NDST4: variants seen among roughly 807,000 people sequenced by gnomAD.
The protein encoded by NDST4 is N-deacetylase and N-sulfotransferase 4, also known as N-heparan sulfate sulfotransferase 4.
In NDST4, 63 loss-of-function variants were observed where a neutral mutation model predicts 100.8. The observed-to-expected ratio is 0.62, with a 90% CI of 0.51 to 0.77. The LOEUF is 0.77. NDST4 is among the 30% of genes least tolerant of loss of function. The probability of loss-of-function intolerance (pLI) is 0.00; values close to 1 mark genes in which losing one functional copy is unlikely to be tolerated. For missense variants in NDST4, 943 were observed against 1,018.4 expected (o/e 0.93, Z 1.01); for synonymous variants, 377 against 361.8 (o/e 1.04, Z -0.48).
At chr4:114,875,134 G>C (rs958713720) in intron 6 of NDST4, among the ~76,000 whole-genome samples, 10 of 152,268 alleles carry the variant, frequency 6.6e-5, no homozygotes, top group African/African-American at 2.4e-4. Context: ...ATTTCAGTAG[G>C]CCAATTGCAG....
intron 4 of NDST4, among the ~76,000 whole-genome samples, chr4:114,958,073 C>T (rs1726177934): frequency 6.6e-6 from 1 of 152,216 alleles, no homozygotes; most frequent in Non-Finnish European, 1.5e-5. Flanking sequence ...CTCACAGCTC[C>T]ACTAATCAGT....
chr4:114,963,236 A>T (rs1318701392), intron 4 of NDST4, among the ~76,000 whole-genome samples: 1 of 152,158 alleles, frequency 6.6e-6, no homozygotes, highest in Non-Finnish European at 1.5e-5. Context: ...ATACAATGAG[A>T]CATTATTTGT....
chr4:115,112,440 A>T (rs1447804368), intron 1 of NDST4, among the ~76,000 whole-genome samples: 1 of 151,898 alleles, frequency 6.6e-6, no homozygotes, highest in Non-Finnish European at 1.5e-5. Flanking sequence ...AAACTGTGCA[A>T]ATGAAAAATA....
chr4:114,836,338 C>T (rs1723304579), intron 11 of NDST4, among the ~76,000 whole-genome samples: 3 of 152,170 alleles, frequency 2.0e-5, no homozygotes, highest in Admixed American at 2.0e-4. Context: ...ATTTGCTTCT[C>T]TGTAAATAAT....
At position 114,981,125 on chromosome 4, in the gene NDST4, C is replaced by T. The variant is rs112373585; in HGVS notation, c.979-3851G>A. 6.5e-3 allele frequency among the ~76,000 whole-genome samples: 985 copies of T among 151,646 alleles called. 17 individuals carry two copies. Among genetic ancestry groups the T allele is most frequent in the African/African-American group, 0.023 (946 of 41,322 alleles). Reference sequence around the variant, plus strand: ...GTCTCAACTACTTCCAGGGTGGGAGCGAGAGGATCACTTTAGCCCAGGAGT... The same window carrying T: ...GTCTCAACTACTTCCAGGGTGGGAGTGAGAGGATCACTTTAGCCCAGGAGT... On this transcript the variant is annotated intron_variant, in intron 2 of 13. Coordinates refer to ENST00000264363, the MANE Select transcript of NDST4 (RefSeq NM_022569.3).
chr4:115,038,424 A>T (rs1728278766), intron 2 of NDST4, among the ~76,000 whole-genome samples: 1 of 152,118 alleles, frequency 6.6e-6, no homozygotes. Context: ...CAGTAGGAAG[A>T]CTAAATCCCT....
intron 6 of NDST4, among the ~76,000 whole-genome samples, chr4:114,895,879 G>C (rs894130397): frequency 2.6e-5 from 4 of 151,758 alleles, no homozygotes; most frequent in Non-Finnish European, 5.9e-5. Context: ...ATGCAAGCCT[G>C]GTTCAATATA....
chr4:114,923,909 C>A (rs1441703991), intron 6 of NDST4, among the ~76,000 whole-genome samples: 1 of 151,484 alleles, frequency 6.6e-6, no homozygotes, highest in East Asian at 1.9e-4. Context: ...AATATTGCAG[C>A]TTTCATTTAT....
At chr4:115,021,656 C>T (rs144553121) in intron 2 of NDST4, among the ~76,000 whole-genome samples, 2,316 of 138,672 alleles carry the variant, frequency 0.017, 29 homozygotes, top group African/African-American at 0.049. Context: ...TCCATATATA[C>T]ACACGTTCCA....
intron 6 of NDST4, among the ~76,000 whole-genome samples, chr4:114,907,905 A>T (rs1213568643): frequency 6.6e-6 from 1 of 152,164 alleles, no homozygotes; most frequent in African/African-American, 2.4e-5. Context: ...TTGGTGTGAG[A>T]CTAACTAGAG....
intron 2 of NDST4, among the ~76,000 whole-genome samples, chr4:115,003,570 T>TA (rs1727345641): frequency 1.3e-5 from 2 of 152,238 alleles, no homozygotes; most frequent in Admixed American, 6.6e-5. Flanking sequence ...TATTCTTTTT[T>TA]AAAAAAAGGG....
intron 6 of NDST4, among the ~76,000 whole-genome samples, chr4:114,899,426 C>G (rs1450203910): frequency 6.6e-6 from 1 of 152,272 alleles, no homozygotes; most frequent in East Asian, 1.9e-4. Flanking sequence ...ATCCACCCAC[C>G]TCGGCCTCCC....
chr4:115,077,436 C>T (rs921014867), intron 1 of NDST4, among the ~76,000 whole-genome samples, 154 bp from the exon 2 acceptor site: 1 of 152,122 alleles, frequency 6.6e-6, no homozygotes, highest in Non-Finnish European at 1.5e-5. Context: ...ACAGTCTAGA[C>T]TTAACTACCT....
At chr4:114,961,356 G>T (rs1726258955) in intron 4 of NDST4, among the ~76,000 whole-genome samples, 1 of 151,782 alleles carries the variant, frequency 6.6e-6, no homozygotes, top group Non-Finnish European at 1.5e-5. Flanking sequence ...GATTAGAACA[G>T]AAATTAATGA....
intron 2 of NDST4, among the ~76,000 whole-genome samples, chr4:115,071,994 AAC>A (rs1729088737): frequency 6.6e-6 from 1 of 152,124 alleles, no homozygotes; most frequent in Admixed American, 6.6e-5. Flanking sequence ...GTTCAAGAAA[AAC>A]ACAGAGATAA....
intron 2 of NDST4, among the ~76,000 whole-genome samples, chr4:114,981,451 T>C (rs991866304): frequency 4.6e-5 from 7 of 152,148 alleles, no homozygotes; most frequent in Non-Finnish European, 1.0e-4. Context: ...TGCCTACAAA[T>C]GTGCACTTCA....
At chr4:114,956,662 G>A (rs980909827) in intron 4 of NDST4, among the ~76,000 whole-genome samples, 5 of 152,130 alleles carry the variant, frequency 3.3e-5, no homozygotes, top group African/African-American at 1.2e-4. Context: ...CATCAGGAAA[G>A]ACAGTCAAAG....
At chr4:115,107,045 C>G (rs973743323) in intron 1 of NDST4, among the ~76,000 whole-genome samples, 1 of 151,968 alleles carries the variant, frequency 6.6e-6, no homozygotes, top group Non-Finnish European at 1.5e-5. Flanking sequence ...ATAGTCCCAG[C>G]TTCTTGAGAG....
At chr4:114,861,725 A>C (rs551009754) in intron 7 of NDST4, among the ~76,000 whole-genome samples, 206 of 152,088 alleles carry the variant, frequency 1.4e-3, no homozygotes, top group African/African-American at 4.6e-3. Flanking sequence ...TTACCTGAAG[A>C]CCATTATATA....
Sources: allele counts gnomAD v4.1 joint callset (sites outside exome capture counted in the v4.1 genomes callset), GRCh38; gene constraint gnomAD v4.1.1; transcripts MANE v1.5; gene names NCBI Gene and HGNC (gene_info 2026-07-23, HGNC 2026-07-21).